ACTR3C: variants seen among roughly 807,000 people sequenced by gnomAD.
The protein encoded by ACTR3C is actin related protein 3C, also known as actin-related protein 3C.
In ACTR3C, 18 loss-of-function variants were observed where a neutral mutation model predicts 26.3. That is an observed-to-expected ratio of 0.68 (90% CI 0.47 to 1.01). The LOEUF (loss-of-function observed/expected upper bound fraction) is 1.01, where lower values mean the gene tolerates loss of function less well. Ranked by LOEUF, ACTR3C falls within the 50% of genes least tolerant of loss-of-function variation. The probability of loss-of-function intolerance (pLI) is 0.00; values close to 1 mark genes in which losing one functional copy is unlikely to be tolerated. For missense variants in ACTR3C, 184 were observed against 250.7 expected (o/e 0.73, Z 1.80); for synonymous variants, 55 against 94.5 (o/e 0.58, Z 2.42).
the ACTR3C span, among the ~76,000 whole-genome samples, chr7:149,906,028 G>GA: frequency 4.6e-5 from 7 of 152,044 alleles, no homozygotes; most frequent in African/African-American, 1.7e-4. Flanking sequence ...TGCCCAAAAG[G>GA]AAAAAAATCG....
the ACTR3C span, among the ~76,000 whole-genome samples, chr7:150,111,290 A>G: frequency 9.2e-6 from 1 of 108,964 alleles, no homozygotes; most frequent in Admixed American, 8.5e-5. Flanking sequence ...CTTCTGGCAT[A>G]CCTTGGCAAG....
the ACTR3C span, among the ~76,000 whole-genome samples, chr7:149,988,623 G>A: frequency 6.6e-6 from 1 of 152,152 alleles, no homozygotes; most frequent in African/African-American, 2.4e-5. Flanking sequence ...TGAGAGGCTG[G>A]CCTGCCAGAG....
the ACTR3C span, among the ~76,000 whole-genome samples, chr7:149,983,401 T>G: frequency 6.9e-5 from 9 of 129,592 alleles, no homozygotes; most frequent in East Asian, 2.2e-3. Context: ...ATTGCTATTA[T>G]ATATCTATAT....
chr7:150,070,181 A>G, the ACTR3C span, among the ~76,000 whole-genome samples: 1 of 152,188 alleles, frequency 6.6e-6, no homozygotes, highest in South Asian at 2.1e-4. Context: ...CCCATGCTCC[A>G]GATGGTGTAA....
the ACTR3C span, among the ~76,000 whole-genome samples, chr7:149,977,957 A>G: frequency 6.6e-6 from 1 of 151,462 alleles, no homozygotes; most frequent in Non-Finnish European, 1.5e-5. Context: ...CAGTGTATGT[A>G]TCAATGGATG....
chr7:150,293,098 A>G (rs1440407416), intron 3 of ACTR3C, among the ~76,000 whole-genome samples: 1 of 151,810 alleles, frequency 6.6e-6, no homozygotes, highest in East Asian at 1.9e-4. Context: ...AAGCCACAAT[A>G]ATTGGCCATC....
chr7:150,132,712 G>C, the ACTR3C span, among the ~76,000 whole-genome samples: 1 of 152,304 alleles, frequency 6.6e-6, no homozygotes, highest in East Asian at 1.9e-4. Context: ...AGAACTAAGA[G>C]TTGAAATACC....
the ACTR3C span, among the ~76,000 whole-genome samples, chr7:150,112,788 G>A: frequency 6.6e-6 from 1 of 152,154 alleles, no homozygotes; most frequent in Non-Finnish European, 1.5e-5. Context: ...TTTAGGGACT[G>A]GCTTCCAGGG....
the ACTR3C span, among the ~76,000 whole-genome samples, chr7:150,140,306 T>C: frequency 6.6e-6 from 1 of 152,214 alleles, no homozygotes; most frequent in African/African-American, 2.4e-5. Context: ...GGTATGGCTA[T>C]TAACAATGTG....
At chr7:150,213,694 G>T in the ACTR3C span, among the ~76,000 whole-genome samples, 1 of 151,734 alleles carries the variant, frequency 6.6e-6, no homozygotes, top group Non-Finnish European at 1.5e-5. Context: ...GAGACAGGAG[G>T]TATTTTGGCA....
the ACTR3C span, among the ~76,000 whole-genome samples, chr7:149,957,825 C>T: frequency 6.6e-6 from 1 of 152,012 alleles, no homozygotes; most frequent in Admixed American, 6.5e-5. Context: ...AGAACCCTGA[C>T]TTGTACACCT....
the ACTR3C span, among the ~76,000 whole-genome samples, chr7:149,888,550 A>G: frequency 0.16 from 24,536 of 152,108 alleles, 2,462 homozygotes; most frequent in Non-Finnish European, 0.23. Context: ...TTGCTTTTCT[A>G]TGACTTTTTT....
chr7:149,965,441 G>A, the ACTR3C span, among the ~76,000 whole-genome samples: 3 of 142,252 alleles, frequency 2.1e-5, no homozygotes, highest in African/African-American at 7.9e-5. Context: ...GGAAGCAGCT[G>A]AAGGGGATGA....
chr7:150,071,799 C>T, the ACTR3C span, among the ~76,000 whole-genome samples: 1 of 151,676 alleles, frequency 6.6e-6, no homozygotes, highest in Admixed American at 6.6e-5. Flanking sequence ...GTGGTTTCCT[C>T]TGGCTGCGGG....
the ACTR3C span, among the ~76,000 whole-genome samples, chr7:150,035,514 C>T: frequency 3.8e-5 from 1 of 26,490 alleles, no homozygotes; most frequent in Non-Finnish European, 8.5e-5. Context: ...GCTCTCAGTC[C>T]CCACTCTCGT....
the ACTR3C span, among the ~76,000 whole-genome samples, chr7:150,073,036 C>T: frequency 6.6e-6 from 1 of 152,172 alleles, no homozygotes; most frequent in African/African-American, 2.4e-5. Context: ...CTATTTAATG[C>T]CGCCCCCTCC....
chr7:150,291,026 T>C lies in ACTR3C; in HGVS notation c.154-1433A>G, dbSNP rs1397649104. Among the ~76,000 whole-genome samples the C allele has an allele frequency of 1.1e-4, 16 of 152,234 alleles. No individual in the cohort carries two copies. In the East Asian group the frequency reaches 2.9e-3, roughly 28 times the overall value. On this transcript the variant is annotated intron_variant, in intron 3 of 7. Coordinates refer to ENST00000683684, the MANE Select transcript of ACTR3C (RefSeq NM_001164458.2). ...ACTAGGGTTAAATTAATACGCAAAA[T>C]ATAACCTTAGGATTGTATTATATGT...
At chr7:150,318,288 A>C (rs1230607272) in intron 1 of ACTR3C, among the ~76,000 whole-genome samples, 2 of 152,176 alleles carry the variant, frequency 1.3e-5, no homozygotes, top group Non-Finnish European at 2.9e-5. Flanking sequence ...GGAGCACCAC[A>C]AGCTAAGACA....
the ACTR3C span, among the ~76,000 whole-genome samples, chr7:150,124,591 C>G: frequency 1.3e-5 from 2 of 152,164 alleles, no homozygotes; most frequent in African/African-American, 4.8e-5. Context: ...TACACTCTCC[C>G]CTGTATCTCT....
Sources: gnomAD v4.1 joint callset for allele counts (sites outside exome capture counted in the v4.1 genomes callset) on GRCh38, gnomAD v4.1.1 for gene constraint, MANE v1.5 for transcripts, NCBI Gene and HGNC (gene_info 2026-07-23, HGNC 2026-07-21) for gene names.